PSD3: variants seen among roughly 807,000 people sequenced by gnomAD.
PSD3 encodes the protein pleckstrin and Sec7 domain containing 3.
A neutral mutation model predicts 105.5 loss-of-function variants in PSD3; 49 were observed. The ratio of observed to expected loss-of-function variants is 0.46; its 90% CI spans 0.37 to 0.59. The LOEUF is 0.59. PSD3 is among the 20% of genes least tolerant of loss of function. PSD3 has a pLI of 0.00. For missense variants in PSD3, 1,561 were observed against 1,263.8 expected (o/e 1.24, Z -3.57); for synonymous variants, 557 against 457.8 (o/e 1.22, Z -2.77).
At chr8:18,974,424 G>C (rs1014687752) in intron 1 of PSD3, among the ~76,000 whole-genome samples, 1 of 152,178 alleles carries the variant, frequency 6.6e-6, no homozygotes, top group African/African-American at 2.4e-5. Flanking sequence ...TTCCCAGGGA[G>C]GGCCACATAG....
chr8:18,834,032 C>T (rs926833209), intron 4 of PSD3, among the ~76,000 whole-genome samples: 1 of 151,980 alleles, frequency 6.6e-6, no homozygotes, highest in Non-Finnish European at 1.5e-5. Flanking sequence ...AAGGAAAGTA[C>T]AAAATTTTGC....
intron 1 of PSD3, among the ~76,000 whole-genome samples, chr8:18,972,292 TA>T (rs1824698920): frequency 6.6e-6 from 1 of 152,170 alleles, no homozygotes; most frequent in Non-Finnish European, 1.5e-5. Context: ...TCTGCAATGA[TA>T]CTAAATACAA....
chr8:18,583,924 T>G (rs1585303708), intron 12 of PSD3, among the ~76,000 whole-genome samples: 1 of 152,212 alleles, frequency 6.6e-6, no homozygotes, highest in Admixed American at 6.5e-5. Flanking sequence ...CACTCATTAT[T>G]GACTTGCTTC....
At chr8:19,023,931 G>A (rs1311241362) in intron 1 of PSD3, among the ~76,000 whole-genome samples, 2 of 152,182 alleles carry the variant, frequency 1.3e-5, no homozygotes, top group Non-Finnish European at 2.9e-5. Context: ...ACAGCACTAT[G>A]CACTGTACTG....
At chr8:18,547,268 G>C (rs1279215122) in intron 15 of PSD3, among the ~76,000 whole-genome samples, 1 of 152,202 alleles carries the variant, frequency 6.6e-6, no homozygotes, top group Non-Finnish European at 1.5e-5. Context: ...TACATAAAGA[G>C]GGTAAAGTGA....
chr8:18,621,092 T>A (rs1749618328), intron 11 of PSD3, among the ~76,000 whole-genome samples: 1 of 152,190 alleles, frequency 6.6e-6, no homozygotes, highest in Admixed American at 6.5e-5. Flanking sequence ...TGGCAGTTTA[T>A]ATTCCATTGT....
At chr8:18,816,356 T>G (rs1439104286) in intron 4 of PSD3, among the ~76,000 whole-genome samples, 1 of 152,184 alleles carries the variant, frequency 6.6e-6, no homozygotes, top group Non-Finnish European at 1.5e-5. Context: ...CCATGACCAT[T>G]CTGCCAGCAG....
chr8:18,829,454 GT>G (rs2129450248), intron 4 of PSD3, among the ~76,000 whole-genome samples: 1 of 152,160 alleles, frequency 6.6e-6, no homozygotes, highest in South Asian at 2.1e-4. Context: ...TATCTAAAAC[GT>G]TCTAGTGCCT....
chr8:18,587,407 A>G (rs1803276422), intron 12 of PSD3, among the ~76,000 whole-genome samples: 1 of 135,580 alleles, frequency 7.4e-6, no homozygotes, highest in South Asian at 2.4e-4. Context: ...TGATACCTTC[A>G]TCATTTGAAA....
intron 4 of PSD3, among the ~76,000 whole-genome samples, chr8:18,858,160 A>C (rs1398894907): frequency 6.6e-6 from 1 of 152,200 alleles, no homozygotes; most frequent in African/African-American, 2.4e-5. Context: ...TGCTGCAATA[A>C]AGCAAATATC....
intron 4 of PSD3, among the ~76,000 whole-genome samples, chr8:18,807,511 T>G (rs1243364615): frequency 6.6e-6 from 1 of 152,216 alleles, no homozygotes; most frequent in Non-Finnish European, 1.5e-5. Context: ...AAGCTGGGAA[T>G]ACGAAGTTAG....
chr8:19,007,892 G>C (rs1586620160), intron 1 of PSD3, among the ~76,000 whole-genome samples: 2 of 151,928 alleles, frequency 1.3e-5, no homozygotes, highest in Admixed American at 6.6e-5. Flanking sequence ...TGCCTGGCTG[G>C]AGTGCAATGG....
At chr8:18,687,691 G>A (rs761620698) in intron 9 of PSD3, among the ~76,000 whole-genome samples, 2 of 152,090 alleles carry the variant, frequency 1.3e-5, no homozygotes, top group South Asian at 2.1e-4. Flanking sequence ...ACGTGCGTGT[G>A]TGTGTTTGGG....
chr8:18,564,900 A>G (rs1801639620), intron 14 of PSD3, among the ~76,000 whole-genome samples: 1 of 152,142 alleles, frequency 6.6e-6, no homozygotes, highest in South Asian at 2.1e-4. Context: ...TATCCATCTT[A>G]AGTCTGACCA....
At position 18,528,210 on chromosome 8, in the gene PSD3, C is replaced by A. The variant is rs1327758770; in HGVS notation, c.*7533G>T. ...GGGAGGTGGTTAGGCCTTTACCTAA[C>A]AGCTCTGATCTGGACTGAACAAAGC... On this transcript the variant is annotated 3_prime_UTR_variant, in exon 16 of 16. Coordinates refer to ENST00000327040, the MANE Select transcript of PSD3 (RefSeq NM_015310.4). The A allele has an allele frequency of 1.3e-5, 2 of 152,198 alleles. No homozygotes were observed. Among genetic ancestry groups the A allele is most frequent in the Non-Finnish European group, 2.9e-5 (2 of 68,044 alleles). 9.4% of individuals were successfully genotyped at this position (152,198 alleles called of 1,614,324 possible). A position where few individuals can be genotyped will look rare whatever the true frequency, so the allele number is the denominator to read the frequency against.
intron 10 of PSD3, among the ~76,000 whole-genome samples, chr8:18,651,514 A>G (rs563502416): frequency 2.6e-5 from 4 of 152,318 alleles, no homozygotes; most frequent in African/African-American, 9.6e-5. Context: ...TCCTTTCTAT[A>G]GCCTTTTATG....
chr8:18,710,789 C>A (rs1419782853), intron 9 of PSD3, among the ~76,000 whole-genome samples: 4 of 152,078 alleles, frequency 2.6e-5, no homozygotes, highest in African/African-American at 9.7e-5. Flanking sequence ...TCAAGTGATT[C>A]TTCTGCCTCA....
At chr8:18,585,858 A>G (rs1166400388) in intron 12 of PSD3, among the ~76,000 whole-genome samples, 3 of 152,140 alleles carry the variant, frequency 2.0e-5, no homozygotes, top group Non-Finnish European at 4.4e-5. Context: ...GCTCCAAATC[A>G]GCAATTAGTT....
At chr8:18,634,306 G>A (rs769336031) in intron 10 of PSD3, among the ~76,000 whole-genome samples, 3 of 151,860 alleles carry the variant, frequency 2.0e-5, no homozygotes, top group African/African-American at 4.8e-5. Context: ...TGAGATAAGT[G>A]AAAACAAAAC....
Sources: allele counts gnomAD v4.1 joint callset (sites outside exome capture counted in the v4.1 genomes callset), GRCh38; gene constraint gnomAD v4.1.1; transcripts MANE v1.5; gene names NCBI Gene and HGNC (gene_info 2026-07-23, HGNC 2026-07-21).